Variants in COG3 observed in about 807,000 individuals in gnomAD.
COG3 encodes conserved oligomeric Golgi complex subunit 3.
COG3 carries 32 observed loss-of-function variants against 114.1 expected under a neutral mutation model. The observed-to-expected ratio is 0.28, with a 90% CI of 0.21 to 0.38. COG3 has a LOEUF of 0.38. COG3 is among the 10% of genes least tolerant of loss of function. COG3 has a pLI of 1.00. For synonymous variants in COG3, 352 were observed against 365.7 expected (o/e 0.96, Z 0.43); for missense variants, 813 against 973.2 (o/e 0.84, Z 2.19).
At chr13:45,468,191 G>A (rs1290791771) in intron 1 of COG3, among the ~76,000 whole-genome samples, 2 of 152,106 alleles carry the variant, frequency 1.3e-5, no homozygotes, top group Non-Finnish European at 2.9e-5. Flanking sequence ...TTGTTTTCTT[G>A]TAGGCTGTGT....
chr13:45,476,018 T>C (rs1885836763), intron 1 of COG3, among the ~76,000 whole-genome samples, 183 bp from the exon 2 acceptor site: 1 of 152,110 alleles, frequency 6.6e-6, no homozygotes. Flanking sequence ...TGTTTATATT[T>C]TGAGATGAGC....
rs533534910 is a variant in COG3, at chr13:45,529,609, G to T, written c.2231-182G>T. Among the ~76,000 whole-genome samples, 6 of 152,174 alleles carry T rather than the reference G, an allele frequency of 3.9e-5. No homozygotes were observed. The East Asian group carries it at 1.2e-3, about 29-fold the overall frequency. ...GAATTTTGTATAGTAGATATTTAAT[G>T]AATGTTTATAGGGCTTATGATTAAA... On this transcript the variant is annotated intron_variant, in intron 20 of 22. Coordinates refer to ENST00000349995, the MANE Select transcript of COG3 (RefSeq NM_031431.4).
At position 45,534,803 on chromosome 13, in the gene COG3, G is replaced by C; in HGVS notation, c.*72G>C. ...GGCTGAGAAGTCTTGCAGTCTGCAG[G>C]ACACCGAGGAATCGTATGTGGGAAC... is the stretch of plus-strand genomic sequence containing the variant. On this transcript the variant is annotated 3_prime_UTR_variant, in exon 23 of 23. Transcript: ENST00000349995. The C allele has an allele frequency of 6.7e-7, 1 of 1,499,124 alleles. No homozygotes were observed. Among genetic ancestry groups the C allele is most frequent in the South Asian group, 1.3e-5 (1 of 75,696 alleles). The allele number at this position is 1,499,124 out of a possible 1,614,324, so 92.9% of individuals were successfully genotyped here.
At chr13:45,465,478 TGG>T (rs1885080810) in intron 1 of COG3, 1 of 475,348 alleles carries the variant, frequency 2.1e-6, no homozygotes, top group Non-Finnish European at 3.7e-6. Context: ...CCCAGCAGCA[TGG>T]GACGGTTGGC....
At chr13:45,503,460 C>T in intron 14 of COG3, 111 bp downstream of exon 14, 1 of 625,736 alleles carries the variant, frequency 1.6e-6, no homozygotes, top group Middle Eastern at 3.8e-4. Context: ...TTGAGGAGCC[C>T]ACACTTTATG....
Position 45,535,630 on chromosome 13 carries a change from T to C in COG3, c.*899T>C, listed in dbSNP as rs1873500718. On this transcript the variant is annotated 3_prime_UTR_variant, in exon 23 of 23. Coordinates refer to ENST00000349995, the MANE Select transcript of COG3 (RefSeq NM_031431.4). Reference sequence around the variant, plus strand: ...TAGCAGTTCTTTGAAAAGCAAACACTTTCATGTCCTGTCTATTCATTCAGC... The same window carrying C: ...TAGCAGTTCTTTGAAAAGCAAACACCTTCATGTCCTGTCTATTCATTCAGC... 1 of 985,520 alleles carries C rather than the reference T, an allele frequency of 1.0e-6. No individual in the cohort carries two copies. The allele number at this position is 985,520 out of a possible 1,614,324, so 61.0% of individuals were successfully genotyped here.
intron 7 of COG3, among the ~76,000 whole-genome samples, chr13:45,483,901 A>C (rs2137807187): frequency 6.6e-6 from 1 of 152,314 alleles, no homozygotes; most frequent in South Asian, 2.1e-4. Context: ...AGAGGCGCTA[A>C]TAAGGTCCCT....
intron 17 of COG3, among the ~76,000 whole-genome samples, chr13:45,517,477 G>A (rs1871664785): frequency 6.6e-6 from 1 of 152,102 alleles, no homozygotes; most frequent in South Asian, 2.1e-4. Context: ...TGTGTGTTAT[G>A]TACTTTGTGA....
In COG3 at chr13:45,508,028, C is replaced by T. The variant is rs183334984; in HGVS notation, c.1595-1664C>T. Among the ~76,000 whole-genome samples the T allele has an allele frequency of 1.7e-4, 24 of 137,704 alleles. No individual in the cohort carries two copies. In the East Asian group the frequency reaches 2.8e-3, roughly 16 times the overall value. The allele number at this position is 137,704 out of a possible 152,430, so 90.3% of individuals were successfully genotyped here. A position where few individuals can be genotyped will look rare whatever the true frequency, so the allele number is the denominator to read the frequency against. Reference sequence around the variant, plus strand: ...AGGTTGCAGTGGGCTGAGATTGCGCCGCTGCACTCCAGCCTAGGTGACAGA... The same window carrying T: ...AGGTTGCAGTGGGCTGAGATTGCGCTGCTGCACTCCAGCCTAGGTGACAGA... On this transcript the variant is annotated intron_variant, in intron 14 of 22. Transcript: ENST00000349995.
At chr13:45,476,455 A>G (rs1885868756) in intron 2 of COG3, 108 bp downstream of exon 2, 1 of 1,129,958 alleles carries the variant, frequency 8.8e-7, no homozygotes, top group Admixed American at 2.2e-5. Context: ...CATAATTAAC[A>G]TTAAGTCTTT....
At chr13:45,503,168 A>G (rs1234105338) in intron 13 of COG3, 76 bp from the exon 14 acceptor site, 2 of 689,932 alleles carry the variant, frequency 2.9e-6, no homozygotes, top group Admixed American at 4.5e-5. Flanking sequence ...ATATATATGT[A>G]CTTTGTATAA....
Position 45,493,502 on chromosome 13 carries a change from T to C in COG3, c.1327+16T>C. On this transcript the variant is annotated intron_variant, in intron 12 of 22. Transcript: ENST00000349995. ...CAGAACAATGGTAAATGAGTAGAAATGATCATTTTAAGTTATATCACTGGC... is the reference window on the plus strand; with the variant it reads ...CAGAACAATGGTAAATGAGTAGAAACGATCATTTTAAGTTATATCACTGGC... The C allele has an allele frequency of 6.2e-7, 1 of 1,606,168 alleles. No homozygotes were observed. Among genetic ancestry groups the C allele is most frequent in the East Asian group, 2.2e-5 (1 of 44,694 alleles).
Position 45,485,158 on chromosome 13 carries a change from C to T in COG3, c.844-1337C>T, listed in dbSNP as rs1262117922. Among the ~76,000 whole-genome samples the T allele has an allele frequency of 8.8e-4, 130 of 147,846 alleles. 1 individual carries two copies. The South Asian group carries it at 0.014, about 16-fold the overall frequency. On this transcript the variant is annotated intron_variant, in intron 7 of 22. Transcript: ENST00000349995. Reference sequence around the variant, plus strand: ...GCGGTGGCCGGGCAGAGGGGCTCCTCACTTCCCAGTAGGGGCGGCCGGGCA... The same window carrying T: ...GCGGTGGCCGGGCAGAGGGGCTCCTTACTTCCCAGTAGGGGCGGCCGGGCA...
chr13:45,501,497 T>C (rs989839786), intron 13 of COG3, among the ~76,000 whole-genome samples: 3 of 152,242 alleles, frequency 2.0e-5, no homozygotes, highest in Non-Finnish European at 4.4e-5. Context: ...TTTGACATAC[T>C]CATTTATGTA....
At chr13:45,528,042 A>G (rs1054542970) in intron 20 of COG3, among the ~76,000 whole-genome samples, 1 of 152,182 alleles carries the variant, frequency 6.6e-6, no homozygotes, top group Admixed American at 6.5e-5. Context: ...AATGTTTACT[A>G]AACACACCCA....
intron 5 of COG3, 29 bp downstream of exon 5, chr13:45,481,333 G>T: frequency 8.1e-7 from 1 of 1,232,602 alleles, no homozygotes. Context: ...TTCTTATAAA[G>T]TTAGTGATTT....
intron 13 of COG3, among the ~76,000 whole-genome samples, chr13:45,499,084 A>C (rs1160179809): frequency 2.6e-5 from 4 of 152,094 alleles, no homozygotes; most frequent in African/African-American, 2.4e-5. Context: ...GATTACTTCT[A>C]GCCCTCTTTA....
At position 45,532,717 on chromosome 13, in the gene COG3, C is replaced by T. The variant is rs369225808; in HGVS notation, c.2457+1937C>T. Among the ~76,000 whole-genome samples the T allele has an allele frequency of 5.3e-5, 8 of 151,330 alleles. 1 individual carries two copies. In the East Asian group the frequency reaches 5.8e-4, roughly 11 times the overall value. On this transcript the variant is annotated intron_variant, in intron 22 of 22. Coordinates refer to ENST00000349995, the MANE Select transcript of COG3 (RefSeq NM_031431.4). ...CCCAAGTAGCTGGGACTACAGGCCC[C>T]GCCAATTTTTTTTATATTTTTAGTA...
chr13:45,534,923 A>G lies in COG3; in HGVS notation c.*192A>G, dbSNP rs1873455383. ...GGATCAGTGTTTTCTTTTCTAAAACATCAAAATGCCAAAGATTAATCTGTG... is the reference window on the plus strand; with the variant it reads ...GGATCAGTGTTTTCTTTTCTAAAACGTCAAAATGCCAAAGATTAATCTGTG... On this transcript the variant is annotated 3_prime_UTR_variant, in exon 23 of 23. Coordinates refer to ENST00000349995, the MANE Select transcript of COG3 (RefSeq NM_031431.4). 8.0e-7 allele frequency: 1 copy of G among 1,256,918 alleles called. No homozygotes were observed. The highest frequency in any genetic ancestry group is 1.5e-5 in the African/African-American group (1 of 64,722). The allele number at this position is 1,256,918 out of a possible 1,614,324, so 77.9% of individuals were successfully genotyped here. A position where few individuals can be genotyped will look rare whatever the true frequency, so the allele number is the denominator to read the frequency against.
Sources: allele counts gnomAD v4.1 joint callset (sites outside exome capture counted in the v4.1 genomes callset), GRCh38; gene constraint gnomAD v4.1.1; transcripts MANE v1.5; gene names NCBI Gene and HGNC (gene_info 2026-07-23, HGNC 2026-07-21).